Variants in SCML4 observed in about 807,000 individuals in gnomAD.
SCML4 encodes the protein sex comb on midleg-like protein 4.
A neutral mutation model predicts 41.1 loss-of-function variants in SCML4; 34 were observed. The observed-to-expected ratio is 0.83, with a 90% CI of 0.63 to 1.10. SCML4 has a LOEUF of 1.10. Among genes scored for constraint, SCML4 ranks in the 50% least tolerant of loss-of-function variants. The probability of loss-of-function intolerance (pLI) is 0.00; values close to 1 mark genes in which losing one functional copy is unlikely to be tolerated. For missense variants in SCML4, 522 were observed against 534.1 expected, an observed-to-expected ratio of 0.98 and a Z score of 0.22; for synonymous variants, 214 against 220.9, an observed-to-expected ratio of 0.97 and a Z score of 0.28.
chr6:107,768,903 G>A (rs1216799833), intron 2 of SCML4, among the ~76,000 whole-genome samples: 2 of 152,164 alleles, frequency 1.3e-5, no homozygotes, highest in African/African-American at 4.8e-5. Context: ...ATAACCAGCT[G>A]GCTCAACAGA....
chr6:107,802,677 TCCCTCTCCCTCC>T (rs1232821890), intron 1 of SCML4, among the ~76,000 whole-genome samples: 3 of 2,104 alleles, frequency 1.4e-3, no homozygotes, highest in Admixed American at 0.014. Context: ...CTCCCTCCTC[TCCCTCTCCCTCC>T]CCCTCCTCTC....
chr6:107,751,572 ATCTTTCTTTCTTTCTTTCTTTCTTTCTT>A (rs36148554), intron 2 of SCML4, among the ~76,000 whole-genome samples: 65 of 87,760 alleles, frequency 7.4e-4, no homozygotes, highest in African/African-American at 1.8e-3. Flanking sequence ...CATTTTAACA[ATCTTTCTTTCTTTCTTTCTTTCTTTCTT>A]TCTTTCTTTC....
At chr6:107,725,111 G>A (rs1202785539) in intron 5 of SCML4, among the ~76,000 whole-genome samples, 1 of 152,124 alleles carries the variant, frequency 6.6e-6, no homozygotes, top group Non-Finnish European at 1.5e-5. Context: ...GAAGAAATAA[G>A]ACTTAGAGTT....
At chr6:107,824,669 C>T (rs917066120), upstream of SCML4, among the ~76,000 whole-genome samples, 5 of 151,990 alleles carry the variant, frequency 3.3e-5, no homozygotes, top group African/African-American at 1.2e-4. Flanking sequence ...TGGGTGTTTC[C>T]AACATTTCAG....
chr6:107,830,690 A>G, the SCML4 span, among the ~76,000 whole-genome samples: 1 of 152,216 alleles, frequency 6.6e-6, no homozygotes, highest in South Asian at 2.1e-4. Context: ...TTTAGAACTG[A>G]TTCCTTTCTC....
chr6:107,818,519 T>G (rs572594971), intron 1 of SCML4, among the ~76,000 whole-genome samples: 3 of 152,226 alleles, frequency 2.0e-5, no homozygotes, highest in Non-Finnish European at 2.9e-5. Flanking sequence ...ATCACCAAAA[T>G]TTCCCAATAA....
At chr6:107,718,451 T>C (rs1775049700) in intron 6 of SCML4, 1 of 152,506 alleles carries the variant, frequency 6.6e-6, no homozygotes, top group Non-Finnish European at 1.5e-5. Flanking sequence ...GTTTCGGGTA[T>C]GTCTTTATTA....
chr6:107,838,950 A>C, the SCML4 span, among the ~76,000 whole-genome samples: 1 of 92,826 alleles, frequency 1.1e-5, no homozygotes, highest in East Asian at 4.8e-4. Context: ...AAGTTAACAA[A>C]CTATGTCCAC....
At chr6:107,786,374 C>T (rs532654907) in intron 1 of SCML4, among the ~76,000 whole-genome samples, 108 of 152,174 alleles carry the variant, frequency 7.1e-4, no homozygotes, top group Non-Finnish European at 1.4e-3. Flanking sequence ...GAGCCACCTA[C>T]AAAAATTTGT....
At chr6:107,777,606 G>A (rs898243950) in intron 1 of SCML4, among the ~76,000 whole-genome samples, 5 of 152,066 alleles carry the variant, frequency 3.3e-5, no homozygotes, top group Non-Finnish European at 7.4e-5. Flanking sequence ...CTATGTTAAC[G>A]TTGCAAACAA....
At chr6:107,792,684 A>G (rs1782424135) in intron 1 of SCML4, among the ~76,000 whole-genome samples, 1 of 151,748 alleles carries the variant, frequency 6.6e-6, no homozygotes, top group Admixed American at 6.6e-5. Context: ...GTGAGCTGAG[A>G]TCCCACCACT....
chr6:107,816,531 G>A (rs1784562056), intron 1 of SCML4, among the ~76,000 whole-genome samples: 1 of 152,114 alleles, frequency 6.6e-6, no homozygotes, highest in African/African-American at 2.4e-5. Context: ...GAAGACACAA[G>A]TAGGCTCTCA....
At chr6:107,755,554 A>C (rs776771899) in intron 2 of SCML4, 6 of 1,264,148 alleles carry the variant, frequency 4.7e-6, no homozygotes, top group Non-Finnish European at 6.3e-6. Flanking sequence ...TGCAGGGCCC[A>C]GTCCATCAGC....
chr6:107,768,622 A>G (rs1332290089), intron 2 of SCML4, among the ~76,000 whole-genome samples: 1 of 152,180 alleles, frequency 6.6e-6, no homozygotes, highest in Non-Finnish European at 1.5e-5. Context: ...ATTCATGCCT[A>G]AGTCCTGCAG....
At chr6:107,749,144 G>A (rs994306220) in intron 3 of SCML4, among the ~76,000 whole-genome samples, 16 of 152,094 alleles carry the variant, frequency 1.1e-4, no homozygotes, top group Admixed American at 3.9e-4. Flanking sequence ...GTGCATGTGC[G>A]TGTGTGTGAG....
intron 1 of SCML4, among the ~76,000 whole-genome samples, chr6:107,821,442 C>A (rs1223364169): frequency 6.6e-6 from 1 of 152,140 alleles, no homozygotes; most frequent in East Asian, 1.9e-4. Context: ...ATGTGCCCAC[C>A]AAAAGAAAGA....
chr6:107,734,796 G>C (rs1776896622), intron 5 of SCML4, among the ~76,000 whole-genome samples: 1 of 152,182 alleles, frequency 6.6e-6, no homozygotes, highest in Non-Finnish European at 1.5e-5. Context: ...ATGGCCCTAA[G>C]TGTCAGGAAA....
At chr6:107,708,201 G>C (rs1229449181) in intron 6 of SCML4, among the ~76,000 whole-genome samples, 190 bp from the exon 7 acceptor site, 1 of 152,188 alleles carries the variant, frequency 6.6e-6, no homozygotes, top group Non-Finnish European at 1.5e-5. Context: ...CCAGAGTGCA[G>C]AAGGCCACTC....
intron 1 of SCML4, among the ~76,000 whole-genome samples, chr6:107,802,517 G>C (rs184061530): frequency 4.6e-5 from 7 of 151,392 alleles, no homozygotes; most frequent in Non-Finnish European, 8.8e-5. Flanking sequence ...GTGGGAGAGA[G>C]GTGGGGGCAG....
Sources: allele counts gnomAD v4.1 joint callset (sites outside exome capture counted in the v4.1 genomes callset), GRCh38; gene constraint gnomAD v4.1.1; transcripts MANE v1.5; gene names NCBI Gene and HGNC (gene_info 2026-07-23, HGNC 2026-07-21).